CSMD1: variants seen among roughly 807,000 people sequenced by gnomAD.
CSMD1 encodes the protein CUB and Sushi multiple domains 1.
CSMD1 carries 213 observed loss-of-function variants against 417.5 expected under a neutral mutation model. That is an observed-to-expected ratio of 0.51 (90% CI 0.46 to 0.57). The LOEUF is 0.57. Ranked by LOEUF, CSMD1 falls within the 20% of genes least tolerant of loss-of-function variation. The pLI is 0.00. For missense variants in CSMD1, 6,923 were observed against 4,529.7 expected (o/e 1.53, Z -15.17); for synonymous variants, 2,862 against 1,736.8 (o/e 1.65, Z -16.11).
rs554405132 is a variant in CSMD1, at chr8:4,073,986, T to C, written c.416-41887A>G. Among the ~76,000 whole-genome samples the C allele has an allele frequency of 1.2e-4, 19 of 152,238 alleles. No homozygotes were observed. The South Asian group carries it at 3.7e-3, about 30-fold the overall frequency. On this transcript the variant is annotated intron_variant, in intron 3 of 69. Transcript: ENST00000635120. ...CTATAATAAAATCTTTGTCATTGGC[T>C]TTGGGAAGCTTTAATGACTTCAAAG...
intron 5 of CSMD1, among the ~76,000 whole-genome samples, chr8:3,860,512 C>T (rs1396980712): frequency 2.6e-5 from 4 of 151,988 alleles, no homozygotes; most frequent in African/African-American, 9.7e-5. Context: ...ATGCAAGGTA[C>T]CTTGTACATA....
At chr8:4,341,729 A>G (rs1300184140) in intron 3 of CSMD1, among the ~76,000 whole-genome samples, 2 of 152,142 alleles carry the variant, frequency 1.3e-5, no homozygotes, top group East Asian at 3.9e-4. Flanking sequence ...TTTTCAACAA[A>G]TTAGAATTAG....
intron 23 of CSMD1, among the ~76,000 whole-genome samples, chr8:3,327,402 G>C (rs905257509): frequency 2.0e-5 from 3 of 152,038 alleles, no homozygotes; most frequent in African/African-American, 4.8e-5. Context: ...CAAAGTGCTG[G>C]GATTACAGGC....
chr8:2,963,461 A>C, intron 59 of CSMD1, 66 bp from the exon 60 acceptor site: 1 of 1,503,730 alleles, frequency 6.7e-7, no homozygotes, highest in Non-Finnish European at 9.2e-7. Context: ...TGTTCAAACG[A>C]TTCCCATTTT....
chr8:4,550,404 A>G (rs992698869), intron 2 of CSMD1, among the ~76,000 whole-genome samples: 17 of 151,542 alleles, frequency 1.1e-4, no homozygotes, highest in African/African-American at 3.9e-4. Flanking sequence ...CATCACCACT[A>G]GCTTAGATGA....
intron 1 of CSMD1, among the ~76,000 whole-genome samples, chr8:4,678,695 T>C (rs956610721): frequency 1.3e-5 from 2 of 152,104 alleles, no homozygotes; most frequent in Admixed American, 1.3e-4. Context: ...CCAAATAAGA[T>C]AAAAATGTCT....
At chr8:3,903,025 G>T (rs1807861486) in intron 5 of CSMD1, among the ~76,000 whole-genome samples, 1 of 152,078 alleles carries the variant, frequency 6.6e-6, no homozygotes. Flanking sequence ...ACGTTTCTGT[G>T]TTATTAAAGT....
chr8:3,161,671 A>G (rs1008836616), intron 38 of CSMD1, among the ~76,000 whole-genome samples: 2 of 152,026 alleles, frequency 1.3e-5, no homozygotes, highest in Non-Finnish European at 1.5e-5. Context: ...AGATAGTAAA[A>G]GTTCATTGAA....
chr8:3,994,983 T>C (rs1008535080), intron 5 of CSMD1, among the ~76,000 whole-genome samples: 2 of 152,164 alleles, frequency 1.3e-5, no homozygotes, highest in African/African-American at 4.8e-5. Context: ...CTCTGTGGAA[T>C]GACCCTGTGC....
At chr8:2,956,603 G>C (rs773183289) in intron 63 of CSMD1, among the ~76,000 whole-genome samples, 1 of 151,874 alleles carries the variant, frequency 6.6e-6, no homozygotes, top group Non-Finnish European at 1.5e-5. Flanking sequence ...ACAGGCACCC[G>C]CCACCATGCC....
chr8:4,749,102 C>A (rs191257300), intron 1 of CSMD1, among the ~76,000 whole-genome samples: 2 of 152,360 alleles, frequency 1.3e-5, no homozygotes, highest in Non-Finnish European at 2.9e-5. Context: ...GCAGTCTCCA[C>A]TCGCTTTGCT....
chr8:4,560,432 T>G (rs758901906), intron 2 of CSMD1, among the ~76,000 whole-genome samples: 5 of 152,236 alleles, frequency 3.3e-5, no homozygotes, highest in Non-Finnish European at 2.9e-5. Context: ...CTGATGGGCT[T>G]AGCAATTATG....
chr8:4,700,631 C>G (rs1177920584), intron 1 of CSMD1, among the ~76,000 whole-genome samples: 2 of 152,026 alleles, frequency 1.3e-5, no homozygotes, highest in African/African-American at 2.4e-5. Flanking sequence ...CTGACTCAAT[C>G]TATCACAAAA....
At chr8:3,848,044 A>C (rs567500425) in intron 5 of CSMD1, among the ~76,000 whole-genome samples, 2 of 151,568 alleles carry the variant, frequency 1.3e-5, no homozygotes, top group East Asian at 1.9e-4. Context: ...TATTTTGTCT[A>C]ATCTTCTTAC....
At chr8:4,832,372 G>C (rs756450384) in intron 1 of CSMD1, among the ~76,000 whole-genome samples, 10 of 152,174 alleles carry the variant, frequency 6.6e-5, no homozygotes, top group Non-Finnish European at 1.3e-4. Flanking sequence ...CAATGAACTT[G>C]ACACATGACT....
At chr8:4,495,505 G>T (rs1054217870) in intron 2 of CSMD1, among the ~76,000 whole-genome samples, 1 of 152,046 alleles carries the variant, frequency 6.6e-6, no homozygotes. Flanking sequence ...AACTCAGGAG[G>T]CAGAAGTTGC....
At chr8:3,270,168 G>A (rs1163938603) in intron 26 of CSMD1, among the ~76,000 whole-genome samples, 1 of 149,326 alleles carries the variant, frequency 6.7e-6, no homozygotes, top group East Asian at 2.0e-4. Flanking sequence ...TCCTACCTCA[G>A]ACTCCCAAGT....
chr8:4,833,588 G>A (rs1397482617), intron 1 of CSMD1, among the ~76,000 whole-genome samples: 5 of 152,178 alleles, frequency 3.3e-5, no homozygotes, highest in South Asian at 4.1e-4. Flanking sequence ...TCCAAATGGA[G>A]CACACGATTT....
chr8:4,623,012 C>G (rs1243063385), intron 2 of CSMD1, among the ~76,000 whole-genome samples: 1 of 151,972 alleles, frequency 6.6e-6, no homozygotes, highest in East Asian at 1.9e-4. Flanking sequence ...ATAAATTAGA[C>G]TTTTTTAAGA....
Sources: gnomAD v4.1 joint callset for allele counts (sites outside exome capture counted in the v4.1 genomes callset) on GRCh38, gnomAD v4.1.1 for gene constraint, MANE v1.5 for transcripts, NCBI Gene and HGNC (gene_info 2026-07-23, HGNC 2026-07-21) for gene names.